BANK1: variants seen among roughly 807,000 people sequenced by gnomAD.
The protein encoded by BANK1 is B-cell scaffold protein with ankyrin repeats.
Under a neutral mutation model 94.5 loss-of-function variants are expected in BANK1, and 95 were observed. The observed-to-expected ratio is 1.00, with a 90% confidence interval of 0.85 to 1.19. The LOEUF (loss-of-function observed/expected upper bound fraction) is 1.19. Ranked by LOEUF, BANK1 falls within the 50% of genes most tolerant of loss-of-function variation. BANK1 has a pLI of 0.00. For missense variants in BANK1, 987 were observed against 932.2 expected (o/e 1.06, Z -0.77); for synonymous variants, 334 against 308.4 (o/e 1.08, Z -0.87).
intron 1 of BANK1, among the ~76,000 whole-genome samples, chr4:101,803,997 C>CAAAAAAAAAAAAA (rs55704915): frequency 1.5e-5 from 1 of 68,408 alleles, no homozygotes; most frequent in Non-Finnish European, 2.4e-5. Context: ...GACTCCGTCT[C>CAAAAAAAAAAAAA]AAAAAAAAAA....
intron 9 of BANK1, among the ~76,000 whole-genome samples, chr4:102,029,277 G>C (rs1468917100): frequency 6.6e-6 from 1 of 151,986 alleles, no homozygotes; most frequent in Non-Finnish European, 1.5e-5. Context: ...GTCAAAGACC[G>C]ACTGCTATGA....
At chr4:102,052,381 G>A (rs917872834) in intron 11 of BANK1, among the ~76,000 whole-genome samples, 1 of 152,010 alleles carries the variant, frequency 6.6e-6, no homozygotes, top group Non-Finnish European at 1.5e-5. Context: ...CTCCCAAAGT[G>A]CTGGGATTAC....
At chr4:101,945,301 A>G (rs1242739503) in intron 7 of BANK1, among the ~76,000 whole-genome samples, 2 of 151,804 alleles carry the variant, frequency 1.3e-5, no homozygotes, top group African/African-American at 4.8e-5. Flanking sequence ...TTTTTTCCTT[A>G]TCATTGCTCA....
intron 1 of BANK1, among the ~76,000 whole-genome samples, chr4:101,805,647 A>ACT (rs1396561272): frequency 1.3e-5 from 2 of 150,010 alleles, no homozygotes; most frequent in Non-Finnish European, 3.0e-5. Context: ...TAATATACAA[A>ACT]TAAGTTTGTA....
chr4:101,853,953 A>G (rs1335546853), intron 2 of BANK1, among the ~76,000 whole-genome samples: 1 of 152,160 alleles, frequency 6.6e-6, no homozygotes, highest in Non-Finnish European at 1.5e-5. Flanking sequence ...CATGATTACA[A>G]CGTGGTCTTG....
At chr4:101,847,318 T>C (rs896688792) in intron 2 of BANK1, among the ~76,000 whole-genome samples, 1 of 152,164 alleles carries the variant, frequency 6.6e-6, no homozygotes, top group Admixed American at 6.5e-5. Context: ...TTAGTTGTTA[T>C]TCATATTCAT....
At chr4:101,934,768 C>T (rs1403558424) in intron 7 of BANK1, among the ~76,000 whole-genome samples, 6 of 151,512 alleles carry the variant, frequency 4.0e-5, no homozygotes, top group Non-Finnish European at 7.4e-5. Flanking sequence ...ATTATGACTG[C>T]GCTGATATTC....
chr4:102,042,238 AT>A (rs1270283723), intron 10 of BANK1, among the ~76,000 whole-genome samples: 1 of 152,072 alleles, frequency 6.6e-6, no homozygotes, highest in African/African-American at 2.4e-5. Flanking sequence ...ATTTATTTTA[AT>A]ATCCTAACGT....
intron 7 of BANK1, among the ~76,000 whole-genome samples, chr4:101,963,818 C>A (rs1200078291): frequency 6.6e-6 from 1 of 152,106 alleles, no homozygotes; most frequent in African/African-American, 2.4e-5. Flanking sequence ...TATCTGTGCA[C>A]TCCATCCACC....
At chr4:101,887,215 C>T (rs1048913536) in intron 5 of BANK1, among the ~76,000 whole-genome samples, 6 of 152,178 alleles carry the variant, frequency 3.9e-5, no homozygotes, top group Admixed American at 2.6e-4. Flanking sequence ...GAAAGGGCCT[C>T]GATGCCTAAA....
intron 11 of BANK1, among the ~76,000 whole-genome samples, chr4:102,053,396 C>A (rs1357198014): frequency 6.6e-6 from 1 of 152,048 alleles, no homozygotes; most frequent in Non-Finnish European, 1.5e-5. Context: ...CTTTAACTTA[C>A]ATTTTCTACT....
intron 6 of BANK1, among the ~76,000 whole-genome samples, chr4:101,915,352 T>C (rs1036193981): frequency 6.6e-6 from 1 of 152,174 alleles, no homozygotes; most frequent in African/African-American, 2.4e-5. Flanking sequence ...TACACTATAT[T>C]GCTTCTCATG....
At chr4:101,933,408 T>C (rs1723424597) in intron 7 of BANK1, among the ~76,000 whole-genome samples, 1 of 150,378 alleles carries the variant, frequency 6.6e-6, no homozygotes, top group African/African-American at 2.4e-5. Context: ...ATTAAAGGGG[T>C]ATGGAGTTTT....
intron 7 of BANK1, among the ~76,000 whole-genome samples, chr4:101,982,125 C>G (rs1725344073): frequency 6.6e-6 from 1 of 152,118 alleles, no homozygotes; most frequent in African/African-American, 2.4e-5. Flanking sequence ...GGGATCTCTT[C>G]TAAGCTTCCC....
At chr4:101,830,462 G>A (rs1195558703) in intron 2 of BANK1, among the ~76,000 whole-genome samples, 1 of 152,076 alleles carries the variant, frequency 6.6e-6, no homozygotes, top group Non-Finnish European at 1.5e-5. Context: ...CAGCCTGGAT[G>A]AGATCATGGC....
At chr4:102,009,794 T>C (rs1448202722) in intron 7 of BANK1, among the ~76,000 whole-genome samples, 2 of 152,146 alleles carry the variant, frequency 1.3e-5, no homozygotes, top group East Asian at 3.8e-4. Flanking sequence ...GTAAATGTTA[T>C]GTAAGTTATT....
At chr4:102,019,187 A>T (rs982806821) in intron 7 of BANK1, among the ~76,000 whole-genome samples, 3 of 152,178 alleles carry the variant, frequency 2.0e-5, no homozygotes, top group African/African-American at 7.2e-5. Context: ...TTCCTCTTCC[A>T]ATAAAAATGT....
chr4:101,987,213 G>C (rs531212438), intron 7 of BANK1, among the ~76,000 whole-genome samples: 41 of 151,498 alleles, frequency 2.7e-4, no homozygotes, highest in Non-Finnish European at 5.3e-4. Flanking sequence ...TAGCCAAATG[G>C]GTAATCAGTC....
intron 7 of BANK1, among the ~76,000 whole-genome samples, chr4:101,968,462 A>G (rs1724837278): frequency 6.6e-6 from 1 of 152,088 alleles, no homozygotes; most frequent in Non-Finnish European, 1.5e-5. Flanking sequence ...CTACATAGAA[A>G]AATTCAAGTG....
Sources: gnomAD v4.1 joint callset for allele counts (sites outside exome capture counted in the v4.1 genomes callset) on GRCh38, gnomAD v4.1.1 for gene constraint, MANE v1.5 for transcripts, NCBI Gene and HGNC (gene_info 2026-07-23, HGNC 2026-07-21) for gene names.